Variants in NALF1 observed in about 807,000 individuals in gnomAD.
NALF1 encodes family with sequence similarity 155 member A.
Under a neutral mutation model 48.4 loss-of-function variants are expected in NALF1, and 3 were observed. That is an observed-to-expected ratio of 0.06 (90% CI 0.03 to 0.16). The LOEUF is 0.16. Ranked by LOEUF, NALF1 falls within the 10% of genes least tolerant of loss-of-function variation. NALF1 has a pLI of 1.00. For missense variants in NALF1, 526 were observed against 571.5 expected, an observed-to-expected ratio of 0.92 and a Z score of 0.81; for synonymous variants, 262 against 245.7, an observed-to-expected ratio of 1.07 and a Z score of -0.62.
At chr13:107,711,114 C>G (rs1055118751) in intron 1 of NALF1, among the ~76,000 whole-genome samples, 1 of 152,094 alleles carries the variant, frequency 6.6e-6, no homozygotes, top group Non-Finnish European at 1.5e-5. Context: ...CAGTAACTGA[C>G]CACTCACAGA....
At chr13:107,561,923 C>T (rs888215003) in intron 1 of NALF1, among the ~76,000 whole-genome samples, 15 of 152,138 alleles carry the variant, frequency 9.9e-5, no homozygotes, top group African/African-American at 2.4e-4. Flanking sequence ...GGACTTAGAT[C>T]GTATCAAAAG....
At chr13:107,449,321 A>C (rs1426680712) in intron 1 of NALF1, among the ~76,000 whole-genome samples, 1 of 152,134 alleles carries the variant, frequency 6.6e-6, no homozygotes, top group Non-Finnish European at 1.5e-5. Context: ...TGGAGTGTGA[A>C]ACTGGAACAA....
intron 1 of NALF1, among the ~76,000 whole-genome samples, chr13:107,847,546 A>AT (rs1274088174): frequency 6.6e-6 from 1 of 152,188 alleles, no homozygotes; most frequent in Non-Finnish European, 1.5e-5. Context: ...ACTGAGAAAC[A>AT]TTCCCCCTTG....
intron 1 of NALF1, among the ~76,000 whole-genome samples, chr13:107,346,396 A>G (rs888642074): frequency 1.3e-5 from 2 of 152,238 alleles, no homozygotes; most frequent in African/African-American, 4.8e-5. Context: ...CCACAGATGA[A>G]TGAAGAAAAT....
At chr13:107,779,595 T>C (rs922751284) in intron 1 of NALF1, among the ~76,000 whole-genome samples, 2 of 152,228 alleles carry the variant, frequency 1.3e-5, no homozygotes, top group African/African-American at 4.8e-5. Flanking sequence ...CAAACCATTC[T>C]AGCTGACAAA....
At chr13:107,627,757 A>T (rs1055587369) in intron 1 of NALF1, among the ~76,000 whole-genome samples, 3 of 152,222 alleles carry the variant, frequency 2.0e-5, no homozygotes, top group Middle Eastern at 3.4e-3. Context: ...AAATATCAGC[A>T]GTCTGCTTTC....
intron 1 of NALF1, among the ~76,000 whole-genome samples, chr13:107,393,855 A>C (rs1179159948): frequency 1.3e-5 from 2 of 152,224 alleles, no homozygotes; most frequent in African/African-American, 4.8e-5. Context: ...AAATTGATAA[A>C]AATGAAAAAA....
intron 2 of NALF1, among the ~76,000 whole-genome samples, chr13:107,180,639 A>G (rs537891121): frequency 1.3e-5 from 2 of 152,032 alleles, no homozygotes; most frequent in African/African-American, 4.8e-5. Flanking sequence ...ATATATACAC[A>G]CACACTACAT....
At chr13:107,537,199 T>C (rs748502198) in intron 1 of NALF1, among the ~76,000 whole-genome samples, 3 of 152,088 alleles carry the variant, frequency 2.0e-5, no homozygotes, top group Admixed American at 1.3e-4. Flanking sequence ...CTGCACATTG[T>C]GCACATGTAC....
rs565418652 is a variant in NALF1 at position 107,344,791 on chromosome 13, C to T, written c.916-134036G>A. Among the ~76,000 whole-genome samples, 9 of 152,132 alleles carry T rather than the reference C, an allele frequency of 5.9e-5. No individual in the cohort carries two copies. The East Asian group carries it at 1.7e-3, about 29-fold the overall frequency. On this transcript the variant is annotated intron_variant, in intron 1 of 2. Transcript: ENST00000375915. The stretch of plus-strand genomic sequence containing the variant: ...AGCAAGACAAGAATGCCCACTCTTA[C>T]CACTTTTATTCAAAATGGCATTGGA...
chr13:107,439,946 T>C (rs1394501143), intron 1 of NALF1, among the ~76,000 whole-genome samples: 2 of 152,202 alleles, frequency 1.3e-5, no homozygotes, highest in Non-Finnish European at 2.9e-5. Context: ...TCATTGACCA[T>C]TTAAGAGAAA....
At chr13:107,442,100 G>C (rs1446716144) in intron 1 of NALF1, among the ~76,000 whole-genome samples, 1 of 152,110 alleles carries the variant, frequency 6.6e-6, no homozygotes, top group Non-Finnish European at 1.5e-5. Context: ...TTGAAATAGA[G>C]CTTTAAGTGC....
rs185333728 is a variant in NALF1 at position 107,229,425 on chromosome 13, G to A, written c.916-18670C>T. The stretch of plus-strand genomic sequence containing the variant: ...AGGATCATTTCTCATGCTGGGGGAC[G>A]TGCAACACCTGCAGCATAATTAGGT... On this transcript the variant is annotated intron_variant, in intron 1 of 2. Transcript: ENST00000375915. Among the ~76,000 whole-genome samples the A allele has an allele frequency of 2.2e-3, 336 of 152,232 alleles. 2 individuals carry two copies. Among genetic ancestry groups the A allele is most frequent in the East Asian group, 7.0e-3 (36 of 5,166 alleles).
At chr13:107,599,143 C>T (rs1348673917) in intron 1 of NALF1, among the ~76,000 whole-genome samples, 1 of 152,100 alleles carries the variant, frequency 6.6e-6, no homozygotes, top group East Asian at 1.9e-4. Context: ...TGCAAGAAAC[C>T]ATCTCTAGGG....
chr13:107,186,810 G>A (rs1488695247), intron 2 of NALF1, among the ~76,000 whole-genome samples: 2 of 152,170 alleles, frequency 1.3e-5, no homozygotes, highest in Non-Finnish European at 2.9e-5. Context: ...AGTTCTGTAA[G>A]TCAGAAGTCT....
At chr13:107,290,548 T>C (rs550438104) in intron 1 of NALF1, among the ~76,000 whole-genome samples, 4 of 152,264 alleles carry the variant, frequency 2.6e-5, no homozygotes, top group Non-Finnish European at 4.4e-5. Flanking sequence ...CCTGCTGCCA[T>C]GTAGGATGCG....
At chr13:107,366,420 C>T (rs974031753) in intron 1 of NALF1, among the ~76,000 whole-genome samples, 1 of 152,266 alleles carries the variant, frequency 6.6e-6, no homozygotes, top group East Asian at 1.9e-4. Flanking sequence ...CAGTGCAAAG[C>T]CTGCTGTAAA....
intron 1 of NALF1, among the ~76,000 whole-genome samples, chr13:107,660,699 T>G (rs1196049044): frequency 6.6e-6 from 1 of 152,054 alleles, no homozygotes; most frequent in African/African-American, 2.4e-5. Flanking sequence ...TAATGATGAA[T>G]CCATGTCATT....
intron 1 of NALF1, among the ~76,000 whole-genome samples, chr13:107,613,622 C>T (rs1380743079): frequency 6.6e-6 from 1 of 152,184 alleles, no homozygotes; most frequent in Non-Finnish European, 1.5e-5. Flanking sequence ...CTCCATCCAG[C>T]CACATCAGAA....
Sources: gnomAD v4.1 joint callset for allele counts (sites outside exome capture counted in the v4.1 genomes callset) on GRCh38, gnomAD v4.1.1 for gene constraint, MANE v1.5 for transcripts, NCBI Gene and HGNC (gene_info 2026-07-23, HGNC 2026-07-21) for gene names.